ACTR3C: variants seen among roughly 807,000 people sequenced by gnomAD.
The protein encoded by ACTR3C is actin-related protein 3C.
In ACTR3C, 18 loss-of-function variants were observed where a neutral mutation model predicts 26.3. The observed-to-expected ratio is 0.68, with a 90% CI of 0.47 to 1.01. The LOEUF is 1.01. ACTR3C is among the 50% of genes least tolerant of loss of function. The probability of loss-of-function intolerance (pLI) is 0.00; values close to 1 mark genes in which losing one functional copy is unlikely to be tolerated. For missense variants in ACTR3C, 184 were observed against 250.7 expected, an observed-to-expected ratio of 0.73 and a Z score of 1.80; for synonymous variants, 55 against 94.5, an observed-to-expected ratio of 0.58 and a Z score of 2.42.
At chr7:150,273,283 C>CTGACT (rs1554457361) in intron 6 of ACTR3C, among the ~76,000 whole-genome samples, 1 of 126,498 alleles carries the variant, frequency 7.9e-6, no homozygotes, top group African/African-American at 3.7e-5. Context: ...ACAGACCAAC[C>CTGACT]TTTTTTTTTT....
chr7:149,971,507 C>A, the ACTR3C span, among the ~76,000 whole-genome samples: 2 of 152,106 alleles, frequency 1.3e-5, no homozygotes, highest in Non-Finnish European at 2.9e-5. Flanking sequence ...TTCTCTAATG[C>A]GACTACTTTT....
chr7:150,146,013 T>C, the ACTR3C span, among the ~76,000 whole-genome samples: 1 of 151,814 alleles, frequency 6.6e-6, no homozygotes, highest in Non-Finnish European at 1.5e-5. Context: ...GAAAAAATAT[T>C]CTTATTCCAC....
the ACTR3C span, among the ~76,000 whole-genome samples, chr7:149,975,091 CAT>C: frequency 1.3e-5 from 2 of 152,190 alleles, no homozygotes; most frequent in African/African-American, 2.4e-5. Context: ...GCAGAATACA[CAT>C]GTCCCCCCAG....
chr7:150,248,663 A>G (rs1832621845), intron 7 of ACTR3C: 1 of 182,310 alleles, frequency 5.5e-6, no homozygotes. Flanking sequence ...CCGTCTCAAA[A>G]AAAAAAAAAG....
the ACTR3C span, among the ~76,000 whole-genome samples, chr7:149,957,831 C>T: frequency 6.6e-6 from 1 of 152,008 alleles, no homozygotes; most frequent in African/African-American, 2.4e-5. Flanking sequence ...CTGACTTGTA[C>T]ACCTCCTGCT....
chr7:149,968,990 C>T, the ACTR3C span, among the ~76,000 whole-genome samples: 1 of 151,774 alleles, frequency 6.6e-6, no homozygotes, highest in Admixed American at 6.6e-5. Flanking sequence ...CACTTCCGAG[C>T]CCCTTATCTT....
At chr7:150,085,029 C>A in the ACTR3C span, among the ~76,000 whole-genome samples, 1 of 152,062 alleles carries the variant, frequency 6.6e-6, no homozygotes, top group Non-Finnish European at 1.5e-5. Flanking sequence ...GAATGACAAC[C>A]CCAGGGCTTG....
the ACTR3C span, among the ~76,000 whole-genome samples, chr7:149,924,411 T>G: frequency 0.016 from 2,379 of 152,160 alleles, 35 homozygotes; most frequent in Middle Eastern, 0.054. Context: ...GCAAACCCTC[T>G]TAGACCACAA....
At chr7:150,250,694 T>A (rs867957523) in intron 6 of ACTR3C, among the ~76,000 whole-genome samples, 24 of 151,800 alleles carry the variant, frequency 1.6e-4, no homozygotes, top group Middle Eastern at 3.4e-3. Context: ...ATCTTGATGG[T>A]GGAAAAGAGG....
chr7:150,219,433 T>C, the ACTR3C span, among the ~76,000 whole-genome samples: 4 of 146,206 alleles, frequency 2.7e-5, no homozygotes, highest in African/African-American at 1.1e-4. Flanking sequence ...AGTTCATTGT[T>C]ACATGCATTG....
the ACTR3C span, among the ~76,000 whole-genome samples, chr7:150,040,066 C>G: frequency 6.9e-6 from 1 of 144,604 alleles, no homozygotes; most frequent in Non-Finnish European, 1.5e-5. Flanking sequence ...GGGTGCCTCC[C>G]CCCACTGCGA....
At chr7:150,020,404 A>G in the ACTR3C span, among the ~76,000 whole-genome samples, 9 of 152,092 alleles carry the variant, frequency 5.9e-5, no homozygotes, top group South Asian at 1.9e-3. Context: ...CTAGAGACCT[A>G]TTTCGGTTTC....
intron 1 of ACTR3C, among the ~76,000 whole-genome samples, chr7:150,297,353 A>T (rs1467105332): frequency 1.4e-3 from 122 of 86,886 alleles, no homozygotes; most frequent in Non-Finnish European, 2.1e-3. Context: ...GTGTCAATTT[A>T]AAAAAAAAAC....
the ACTR3C span, among the ~76,000 whole-genome samples, chr7:149,911,455 A>G: frequency 6.6e-6 from 1 of 152,168 alleles, no homozygotes; most frequent in Admixed American, 6.6e-5. Context: ...TGACTGGCAC[A>G]TGGCAAATAC....
Position 150,265,393 on chromosome 7 carries a change from A to T in ACTR3C, c.565-16339T>A, listed in dbSNP as rs529973414. 8.9e-3 allele frequency among the ~76,000 whole-genome samples: 995 copies of T among 112,090 alleles called. 8 individuals are homozygous for T. Among genetic ancestry groups the T allele is most frequent in the South Asian group, 0.015 (41 of 2,702 alleles). The allele number at this position is 112,090 out of a possible 152,430, so 73.5% of individuals were successfully genotyped here. A position where few individuals can be genotyped will look rare whatever the true frequency, so the allele number is the denominator to read the frequency against. ...ATTTTTTTAAAAAAACATTTTATTT[A>T]AAAAAAAAAAGTTTTTTAGGTCTGG... is the stretch of plus-strand genomic sequence containing the variant. On this transcript the variant is annotated intron_variant, in intron 6 of 7. Coordinates refer to ENST00000683684, the MANE Select transcript of ACTR3C (RefSeq NM_001164458.2).
chr7:150,067,381 G>C, the ACTR3C span, among the ~76,000 whole-genome samples: 1 of 152,180 alleles, frequency 6.6e-6, no homozygotes, highest in Non-Finnish European at 1.5e-5. Flanking sequence ...AAGGAACACT[G>C]TCTTAACCAC....
intron 6 of ACTR3C, among the ~76,000 whole-genome samples, chr7:150,266,426 A>G (rs1327697877): frequency 1.3e-5 from 2 of 151,238 alleles, no homozygotes; most frequent in Non-Finnish European, 2.9e-5. Context: ...ACACAAATTA[A>G]CTCAAAATTT....
chr7:150,027,684 A>G, the ACTR3C span, among the ~76,000 whole-genome samples: 1 of 151,160 alleles, frequency 6.6e-6, no homozygotes, highest in African/African-American at 2.4e-5. Flanking sequence ...ATCTAACTCT[A>G]TCAGACACAG....
At chr7:150,151,080 C>T in the ACTR3C span, among the ~76,000 whole-genome samples, 30 of 103,468 alleles carry the variant, frequency 2.9e-4, 5 homozygotes, top group Non-Finnish European at 5.1e-4. Flanking sequence ...TATTTTTTGG[C>T]TTTTATTGCT....
Sources: allele counts gnomAD v4.1 joint callset (sites outside exome capture counted in the v4.1 genomes callset), GRCh38; gene constraint gnomAD v4.1.1; transcripts MANE v1.5; gene names NCBI Gene and HGNC (gene_info 2026-07-23, HGNC 2026-07-21).